KDM1B: variants seen among roughly 807,000 people sequenced by gnomAD.
KDM1B encodes lysine demethylase 1B.
A neutral mutation model predicts 107.4 loss-of-function variants in KDM1B; 63 were observed. The observed-to-expected ratio is 0.59, with a 90% CI of 0.48 to 0.72. KDM1B has a LOEUF of 0.72. Among genes scored for constraint, KDM1B ranks in the 30% least tolerant of loss-of-function variants. The pLI, the probability that KDM1B is intolerant of heterozygous loss-of-function variation, is 0.00. For missense variants in KDM1B, 749 were observed against 1,020.8 expected (o/e 0.73, Z 3.63); for synonymous variants, 363 against 363.9 (o/e 1.00, Z 0.03).
rs1788860819 is a variant in KDM1B at position 18,211,673 on chromosome 6, A to G, written c.1867-815A>G. ...TGGCGTCCTGATTGTAGCAACGATA[A>G]TGGGGTCTGGAGCCAGAAATGTCCA... On this transcript the variant is annotated intron_variant, in intron 17 of 21. Transcript: ENST00000650836. This position sits in a 1 kb window ranked among gnomAD's most constrained non-coding sequence, Gnocchi z 5.2. 1.3e-5 allele frequency: 2 copies of G among 152,244 alleles called. No homozygotes were observed. The highest frequency in any genetic ancestry group is 4.8e-5 in the African/African-American group (2 of 41,434). The allele number at this position is 152,244 out of a possible 1,614,324, so 9.4% of individuals were successfully genotyped here. A position where few individuals can be genotyped will look rare whatever the true frequency, so the allele number is the denominator to read the frequency against.
Position 18,188,022 on chromosome 6 carries a change from C to T in KDM1B, c.784+20C>T. 1 of 1,543,324 alleles carries T rather than the reference C, an allele frequency of 6.5e-7. No homozygotes were observed. Among genetic ancestry groups the T allele is most frequent in the South Asian group, 1.2e-5 (1 of 83,922 alleles). On this transcript the variant is annotated intron_variant, in intron 9 of 21. Coordinates refer to ENST00000650836, the MANE Select transcript of KDM1B (RefSeq NM_001364614.2). ...TGCACGGTGAGAGCCATTCCTGGGA[C>T]TCCCTGCTTTCTATTCCCCGCTCCC... is the stretch of plus-strand genomic sequence containing the variant.
At chr6:18,189,032 C>A (rs1028331330) in intron 9 of KDM1B, among the ~76,000 whole-genome samples, 1 of 152,104 alleles carries the variant, frequency 6.6e-6, no homozygotes, top group Non-Finnish European at 1.5e-5. Context: ...GATCCGCCCC[C>A]TTCAGCCTCC....
intron 7 of KDM1B, among the ~76,000 whole-genome samples, chr6:18,178,316 A>G (rs936378051): frequency 1.3e-5 from 2 of 149,526 alleles, no homozygotes; most frequent in African/African-American, 4.9e-5. Flanking sequence ...GAACTCCTGA[A>G]CTCAGGTGAT....
rs1447658459 is a variant in KDM1B, at chr6:18,211,547, A to G, written c.1867-941A>G. The G allele has an allele frequency of 2.0e-5, 3 of 152,302 alleles. No individual in the cohort carries two copies. Among genetic ancestry groups the G allele is most frequent in the Non-Finnish European group, 2.9e-5 (2 of 68,080 alleles). 9.4% of individuals were successfully genotyped at this position (152,302 alleles called of 1,614,324 possible). Reference sequence around the variant, plus strand: ...AGGGTTCGTGAAAGTTGCAGGGTTTAGTCAGTAACCACAAGTCAAGAAGGA... The same window carrying G: ...AGGGTTCGTGAAAGTTGCAGGGTTTGGTCAGTAACCACAAGTCAAGAAGGA... On this transcript the variant is annotated intron_variant, in intron 17 of 21. Transcript: ENST00000650836. The surrounding 1 kb of genome is among the most constrained non-coding windows in gnomAD (Gnocchi z 5.2).
intron 2 of KDM1B, among the ~76,000 whole-genome samples, chr6:18,158,589 T>C (rs897702344): frequency 6.6e-6 from 1 of 152,246 alleles, no homozygotes; most frequent in Non-Finnish European, 1.5e-5. Context: ...TCTTTATCCA[T>C]AGGTATGTCC....
chr6:18,163,835 C>A (rs533720353), intron 5 of KDM1B, among the ~76,000 whole-genome samples: 1 of 151,942 alleles, frequency 6.6e-6, no homozygotes, highest in African/African-American at 2.4e-5. Context: ...CTTTATGGCC[C>A]GTAATGTAGT....
chr6:18,215,726 A>G (rs1582217663), intron 20 of KDM1B, among the ~76,000 whole-genome samples: 1 of 148,956 alleles, frequency 6.7e-6, no homozygotes, highest in African/African-American at 2.5e-5. Flanking sequence ...TTCTTCTCAC[A>G]TCATACACAC....
rs570915723 is a variant in KDM1B, at chr6:18,204,883, A to G, written c.1532-654A>G. Among the ~76,000 whole-genome samples, 1 of 152,234 alleles carries G rather than the reference A, an allele frequency of 6.6e-6. No homozygotes were observed. Among genetic ancestry groups the G allele is most frequent in the Non-Finnish European group, 1.5e-5 (1 of 68,030 alleles). ...GGAATTTACCAGGAAAAAGATTCAA[A>G]GCATTACAGCAGAGCCTGCGAGTGG... On this transcript the variant is annotated intron_variant, in intron 14 of 21. Coordinates refer to ENST00000650836, the MANE Select transcript of KDM1B (RefSeq NM_001364614.2). This position sits in a 1 kb window ranked among gnomAD's most constrained non-coding sequence, Gnocchi z 4.9.
intron 12 of KDM1B, among the ~76,000 whole-genome samples, chr6:18,198,656 A>AAAC (rs1787825180): frequency 6.8e-6 from 1 of 147,700 alleles, no homozygotes; most frequent in African/African-American, 2.4e-5. Context: ...AAAAAAAAAA[A>AAAC]ACAAAACGCC....
intron 6 of KDM1B, among the ~76,000 whole-genome samples, chr6:18,171,027 A>C (rs1028022014): frequency 6.6e-6 from 1 of 151,882 alleles, no homozygotes; most frequent in Non-Finnish European, 1.5e-5. Flanking sequence ...TCACCGTGTT[A>C]GCCAGGATGG....
intron 20 of KDM1B, among the ~76,000 whole-genome samples, chr6:18,216,344 GT>G (rs1789234606): frequency 1.3e-5 from 2 of 152,204 alleles, no homozygotes; most frequent in Non-Finnish European, 2.9e-5. Context: ...GCCTCCTAAA[GT>G]GCTGGGATTA....
chr6:18,185,179 A>G (rs6932667), intron 7 of KDM1B, among the ~76,000 whole-genome samples: 140,742 of 152,270 alleles, frequency 0.92, 65,106 homozygotes, highest in African/African-American at 0.93. Context: ...TCTAAAAGAT[A>G]ATGTCAAATG....
At chr6:18,198,555 A>T (rs1198688459) in intron 12 of KDM1B, among the ~76,000 whole-genome samples, 1 of 151,308 alleles carries the variant, frequency 6.6e-6, no homozygotes, top group Non-Finnish European at 1.5e-5. Context: ...TATGCCCGTC[A>T]AAAACGCCCT....
rs1284589449 is a variant in KDM1B at position 18,212,776 on chromosome 6, A to G, written c.1983+172A>G. 6.6e-6 allele frequency among the ~76,000 whole-genome samples: 1 copy of G among 152,250 alleles called. No homozygotes were observed. The highest frequency in any genetic ancestry group is 2.4e-5 in the African/African-American group (1 of 41,466). On this transcript the variant is annotated intron_variant, in intron 18 of 21. Transcript: ENST00000650836. The surrounding 1 kb of genome is among the most constrained non-coding windows in gnomAD (Gnocchi z 5.2). ...AACACAGAAGAATATTATCAAAACG[A>G]AAGGAGGAGAGCTGGCTGAGGTCTG...
chr6:18,217,948 A>AT, intron 21 of KDM1B, 63 bp downstream of exon 21: 1 of 1,542,686 alleles, frequency 6.5e-7, no homozygotes, highest in East Asian at 2.3e-5. Flanking sequence ...ATCTAAAATG[A>AT]TATCTGCCCA....
Position 18,204,944 on chromosome 6 carries a change from T to C in KDM1B, c.1532-593T>C, listed in dbSNP as rs1415694194. Among the ~76,000 whole-genome samples the C allele has an allele frequency of 6.6e-6, 1 of 152,208 alleles. No homozygotes were observed. Among genetic ancestry groups the C allele is most frequent in the Non-Finnish European group, 1.5e-5 (1 of 68,034 alleles). ...GCTGCTGCCTTTGGAAAGATTAAAA[T>C]GTGCTAGCTTTGCCTGGCTGTGGTT... On this transcript the variant is annotated intron_variant, in intron 14 of 21. Coordinates refer to ENST00000650836, the MANE Select transcript of KDM1B (RefSeq NM_001364614.2). This position sits in a 1 kb window ranked among gnomAD's most constrained non-coding sequence, Gnocchi z 4.9.
intron 5 of KDM1B, among the ~76,000 whole-genome samples, chr6:18,164,009 C>T (rs1785131465): frequency 6.6e-6 from 1 of 152,136 alleles, no homozygotes; most frequent in Admixed American, 6.6e-5. Context: ...TTTACTCCTA[C>T]CTGATCTTTC....
intron 7 of KDM1B, among the ~76,000 whole-genome samples, chr6:18,178,018 C>G (rs746306726): frequency 2.0e-5 from 3 of 152,024 alleles, no homozygotes; most frequent in Admixed American, 6.6e-5. Flanking sequence ...TCTTTTGTGC[C>G]TTTGTTCAAT....
At chr6:18,189,912 G>A (rs571888519) in intron 9 of KDM1B, among the ~76,000 whole-genome samples, 26 of 152,164 alleles carry the variant, frequency 1.7e-4, no homozygotes, top group African/African-American at 5.8e-4. Flanking sequence ...TTGGGAGGCC[G>A]AGACGGGCAG....
Sources: allele counts gnomAD v4.1 joint callset (sites outside exome capture counted in the v4.1 genomes callset), GRCh38; gene constraint gnomAD v4.1.1; non-coding constraint Gnocchi (gnomAD v3.1); transcripts MANE v1.5; gene names NCBI Gene and HGNC (gene_info 2026-07-23, HGNC 2026-07-21).